The following TBP variants were observed in gnomAD, a reference collection of about 807,000 sequenced individuals.
The protein encoded by TBP is TATA-box binding protein, also known as TATA-box-binding protein.
In TBP, 12 loss-of-function variants were observed where a neutral mutation model predicts 46.2. The observed-to-expected ratio is 0.26, with a 90% CI of 0.17 to 0.42. The LOEUF is 0.42. TBP is among the 10% of genes least tolerant of loss of function. TBP has a pLI of 1.00. For missense variants in TBP, 229 were observed against 403.1 expected, an observed-to-expected ratio of 0.57 and a Z score of 3.70; for synonymous variants, 157 against 148.3, an observed-to-expected ratio of 1.06 and a Z score of -0.42.
chr6:170,563,603 G>C (rs1278305478), intron 3 of TBP, among the ~76,000 whole-genome samples: 1 of 152,198 alleles, frequency 6.6e-6, no homozygotes, highest in East Asian at 1.9e-4. Context: ...TCATTGTGTG[G>C]ATCAACCTAA....
chr6:170,567,310 C>G (rs1779281670), intron 5 of TBP: 1 of 154,584 alleles, frequency 6.5e-6, no homozygotes, highest in Non-Finnish European at 1.4e-5. Flanking sequence ...CATGGTGAAA[C>G]TCCATCTCTA....
rs753505824 is a variant in TBP, at chr6:170,562,128, C to A, written c.392C>A (p.Pro131His). Residue 131 changes from proline to histidine, a missense_variant, in exon 3 of 8, where the codon CCC (proline) becomes CAC (histidine). Physicochemically the swap from Pro to His is moderately conservative, Grantham distance 77. This residue lies in a region of TBP where 69 missense variants were observed against 66.2 expected (regional missense o/e 1.04). Transcript: ENST00000392092. ...LFHSQTLTTA[P>H]LPGTTPLYPS... Reference sequence around the variant, plus strand: ...CACTCACAGACTCTCACAACTGCACCCTTGCCGGGCACCACTCCACTGTAT... The same window carrying A: ...CACTCACAGACTCTCACAACTGCACACTTGCCGGGCACCACTCCACTGTAT... 6.2e-7 allele frequency: 1 copy of A among 1,614,186 alleles called. No homozygotes were observed. The highest frequency in any genetic ancestry group is 8.5e-7 in the Non-Finnish European group (1 of 1,180,028).
At chr6:170,555,000 T>A (rs1446067865) in intron 1 of TBP, among the ~76,000 whole-genome samples, 1 of 152,236 alleles carries the variant, frequency 6.6e-6, no homozygotes, top group East Asian at 1.9e-4. Context: ...TAGACTTTTC[T>A]GTGAAAAGAC....
intron 1 of TBP, among the ~76,000 whole-genome samples, chr6:170,556,322 G>A (rs1197046303): frequency 6.6e-6 from 1 of 151,160 alleles, no homozygotes; most frequent in Non-Finnish European, 1.5e-5. Context: ...AAGAGGTAAG[G>A]TTATTACATT....
chr6:170,560,381 T>G (rs1380365862), intron 2 of TBP, among the ~76,000 whole-genome samples: 1 of 152,144 alleles, frequency 6.6e-6, no homozygotes, highest in African/African-American at 2.4e-5. Context: ...GGCATGTGCC[T>G]GTAGTCCCAG....
At position 170,556,899 on chromosome 6, in the gene TBP, G is replaced by A. The variant is rs181795476; in HGVS notation, c.-131G>A. The A allele has an allele frequency of 6.2e-5, 51 of 820,790 alleles. No individual in the cohort carries two copies. The East Asian group carries it at 7.6e-4, about 12-fold the overall frequency. 50.8% of individuals were successfully genotyped at this position (820,790 alleles called of 1,614,324 possible). On this transcript the variant is annotated 5_prime_UTR_variant, in exon 2 of 8. The change creates a new upstream start codon in the 5' untranslated region. Coordinates refer to ENST00000392092, the MANE Select transcript of TBP (RefSeq NM_003194.5). The stretch of plus-strand genomic sequence containing the variant: ...CAAAGCAGCATCACTGTTTCTTGGC[G>A]TGTGAAGATAACCCAAGGAATTGAG...
chr6:170,563,399 G>A (rs2114996092), intron 3 of TBP, among the ~76,000 whole-genome samples: 1 of 152,238 alleles, frequency 6.6e-6, no homozygotes, highest in South Asian at 2.1e-4. Context: ...TCTCCATCTT[G>A]TAGGCTTAAG....
In TBP at chr6:170,564,572, T is replaced by C; in HGVS notation, c.525T>C (p.Gly175=). 6.2e-7 allele frequency: 1 copy of C among 1,610,566 alleles called. No homozygotes were observed. The highest frequency in any genetic ancestry group is 8.5e-7 in the Non-Finnish European group (1 of 1,178,210). ...ATATTGTATCCACAGTGAATCTTGG[T>C]TGTAAACTTGACCTAAAGACCATTG... is the stretch of plus-strand genomic sequence containing the variant. ...LQNIVSTVNL[G]CKLDLKTIAL... The change falls in exon 4 of 8, where the codon GGT becomes GGC. Residue 175 remains glycine (G), a synonymous_variant. Coordinates refer to ENST00000392092, the MANE Select transcript of TBP (RefSeq NM_003194.5).
rs749081341 is a variant in TBP, at chr6:170,562,073, G to A, written c.337G>A (p.Gly113Arg). ...QQSTSQQATQ[G>R]TSGQAPQLFH... ...GTCAACGTCCCAGCAGGCAACACAG[G>A]GAACCTCAGGCCAGGCACCACAGCT... The change falls in exon 3 of 8, where the codon GGA becomes AGA. Residue 113 changes from glycine to arginine, a missense_variant. Physicochemically the swap from Gly to Arg is moderately radical, Grantham distance 125. This residue lies in a region of TBP where 69 missense variants were observed against 66.2 expected (regional missense o/e 1.04). Transcript: ENST00000392092. The A allele has an allele frequency of 6.8e-6, 11 of 1,613,802 alleles. No homozygotes were observed. The highest frequency in any genetic ancestry group is 1.1e-5 in the South Asian group (1 of 91,060).
chr6:170,572,182 T>C lies in TBP; in HGVS notation c.941-4T>C, dbSNP rs1779377379. On this transcript the variant is annotated splice_region_variant and splice_polypyrimidine_tract_variant and intron_variant, in intron 7 of 7. Coordinates refer to ENST00000392092, the MANE Select transcript of TBP (RefSeq NM_003194.5). Reference sequence around the variant, plus strand: ...CTCATCTCTACTCCAACTTGTCTTCTTAGGTGCTAAAGTCAGAGCAGAAAT... The same window carrying C: ...CTCATCTCTACTCCAACTTGTCTTCCTAGGTGCTAAAGTCAGAGCAGAAAT... 1 of 1,612,458 alleles carries C rather than the reference T, an allele frequency of 6.2e-7. No homozygotes were observed. The highest frequency in any genetic ancestry group is 8.5e-7 in the Non-Finnish European group (1 of 1,178,662).
intron 6 of TBP, among the ~76,000 whole-genome samples, chr6:170,570,828 G>A (rs979814779): frequency 6.6e-6 from 1 of 150,678 alleles, no homozygotes; most frequent in Non-Finnish European, 1.5e-5. Flanking sequence ...GCAAGACTCC[G>A]TCTCAAAAAA....
At chr6:170,555,712 CAT>C (rs772848755) in intron 1 of TBP, among the ~76,000 whole-genome samples, 21 of 152,292 alleles carry the variant, frequency 1.4e-4, no homozygotes, top group Admixed American at 3.9e-4. Context: ...TTCATGATCA[CAT>C]ACTGTATTCC....
chr6:170,558,283 T>C (rs1036021235), intron 2 of TBP, among the ~76,000 whole-genome samples: 1 of 152,250 alleles, frequency 6.6e-6, no homozygotes, highest in Non-Finnish European at 1.5e-5. Flanking sequence ...CCAAACTGTT[T>C]TTTGAAGTGG....
intron 5 of TBP, 141 bp downstream of exon 5, chr6:170,567,150 ATTATTT>A (rs1323665871): frequency 9.4e-6 from 3 of 318,712 alleles, no homozygotes; most frequent in African/African-American, 2.5e-5. Flanking sequence ...GATTCTATTA[ATTATTT>A]TTATTTATTT....
intron 4 of TBP, among the ~76,000 whole-genome samples, chr6:170,564,977 T>C (rs1779217490): frequency 6.6e-6 from 1 of 151,990 alleles, no homozygotes; most frequent in African/African-American, 2.4e-5. Flanking sequence ...GCCAACATAG[T>C]GAAACCCCGT....
Position 170,572,300 on chromosome 6 carries a change from TC to T in TBP, c.*36del. 1.4e-6 allele frequency: 2 copies of T among 1,476,080 alleles called. No individual in the cohort carries two copies. Among genetic ancestry groups the T allele is most frequent in the Non-Finnish European group, 1.9e-6 (2 of 1,073,230 alleles). 91.4% of individuals were successfully genotyped at this position (1,476,080 alleles called of 1,614,324 possible). On this transcript the variant is annotated 3_prime_UTR_variant, in exon 8 of 8. Transcript: ENST00000392092. ...TGTACCCTTGCCTCCCCCACCCCCT[TC>T]TTTTTTTTTTTTTAAACAAATCAGT...
In TBP at chr6:170,568,809, C is replaced by T. The variant is rs113125482; in HGVS notation, c.678-803C>T. Among the ~76,000 whole-genome samples, 234 of 88,312 alleles carry T rather than the reference C, an allele frequency of 2.6e-3. 3 individuals carry two copies. The highest frequency in any genetic ancestry group is 7.6e-3 in the African/African-American group (155 of 20,418). 57.9% of individuals were successfully genotyped at this position (88,312 alleles called of 152,430 possible). A position where few individuals can be genotyped will look rare whatever the true frequency, so the allele number is the denominator to read the frequency against. On this transcript the variant is annotated intron_variant, in intron 5 of 7. Transcript: ENST00000392092. ...CTTTTTTTCTCTTCTTTCTTTCTTT[C>T]CTTTTCTTTTTTTTTTTTTTTTTTT...
At chr6:170,558,320 T>A (rs995164229) in intron 2 of TBP, among the ~76,000 whole-genome samples, 4 of 152,222 alleles carry the variant, frequency 2.6e-5, no homozygotes, top group African/African-American at 9.6e-5. Flanking sequence ...CATAAGAGAT[T>A]TAAGTTGCTC....
At chr6:170,571,322 T>C in intron 6 of TBP, 88 bp from the exon 7 acceptor site, 1 of 838,716 alleles carries the variant, frequency 1.2e-6, no homozygotes, top group Non-Finnish European at 1.9e-6. Flanking sequence ...AGTTTGTTTA[T>C]TCAGTATTTT....
Sources: allele counts gnomAD v4.1 joint callset (sites outside exome capture counted in the v4.1 genomes callset), GRCh38; gene constraint gnomAD v4.1.1; regional missense constraint gnomAD v4.1.1; transcripts MANE v1.5; gene names NCBI Gene and HGNC (gene_info 2026-07-23, HGNC 2026-07-21).